ZDHHC14: variants seen among roughly 807,000 people sequenced by gnomAD.
ZDHHC14 encodes palmitoyltransferase ZDHHC14.
A neutral mutation model predicts 47.7 loss-of-function variants in ZDHHC14; 16 were observed. The observed-to-expected ratio is 0.34, with a 90% CI of 0.23 to 0.51. ZDHHC14 has a LOEUF of 0.51. Ranked by LOEUF, ZDHHC14 falls within the 20% of genes least tolerant of loss-of-function variation. The pLI, the probability that ZDHHC14 is intolerant of heterozygous loss-of-function variation, is 0.97. For missense variants in ZDHHC14, 515 were observed against 662.5 expected (o/e 0.78, Z 2.44); for synonymous variants, 293 against 278.9 (o/e 1.05, Z -0.50).
At chr6:157,585,901 G>T (rs1214905980) in intron 2 of ZDHHC14, among the ~76,000 whole-genome samples, 1 of 152,244 alleles carries the variant, frequency 6.6e-6, no homozygotes, top group African/African-American at 2.4e-5. Flanking sequence ...AGAGTGGCCT[G>T]CCTGGTGGAC....
At chr6:157,532,087 A>G (rs1781387878) in intron 1 of ZDHHC14, among the ~76,000 whole-genome samples, 2 of 152,098 alleles carry the variant, frequency 1.3e-5, no homozygotes, top group African/African-American at 4.8e-5. Flanking sequence ...CCGCTGGGGG[A>G]GGAGGAGCAG....
intron 8 of ZDHHC14, among the ~76,000 whole-genome samples, chr6:157,658,751 A>G (rs902396780): frequency 7.2e-5 from 11 of 152,226 alleles, no homozygotes; most frequent in Non-Finnish European, 1.3e-4. Context: ...GTCTGTATTC[A>G]TAAGGGAATT....
chr6:157,534,533 TATTTCATTTC>T (rs34937760), intron 1 of ZDHHC14, among the ~76,000 whole-genome samples: 39,685 of 140,792 alleles, frequency 0.28, 6,015 homozygotes, highest in South Asian at 0.41. Flanking sequence ...CCTGGAATTC[TATTTCATTTC>T]ATTTCATTTC....
chr6:157,535,071 G>T (rs1347996270), intron 1 of ZDHHC14, among the ~76,000 whole-genome samples: 1 of 152,128 alleles, frequency 6.6e-6, no homozygotes, highest in Non-Finnish European at 1.5e-5. Context: ...GACCTCTCTG[G>T]GTGGTCTGGG....
intron 1 of ZDHHC14, among the ~76,000 whole-genome samples, chr6:157,439,355 A>C (rs1201218856): frequency 6.6e-6 from 1 of 152,232 alleles, no homozygotes; most frequent in Admixed American, 6.5e-5. Flanking sequence ...AAAGGACATG[A>C]ACAGACACTT....
intron 2 of ZDHHC14, among the ~76,000 whole-genome samples, chr6:157,552,330 G>A (rs1406214858): frequency 6.6e-6 from 1 of 152,064 alleles, no homozygotes; most frequent in Non-Finnish European, 1.5e-5. Flanking sequence ...TTCATGCAGA[G>A]TCGGCAGGGC....
rs529033752 is a variant in ZDHHC14, at chr6:157,427,892, G to A, written c.245+45626G>A. Among the ~76,000 whole-genome samples, 1 of 152,186 alleles carries A rather than the reference G, an allele frequency of 6.6e-6. No individual in the cohort carries two copies. Among genetic ancestry groups the A allele is most frequent in the East Asian group, 1.9e-4 (1 of 5,176 alleles). On this transcript the variant is annotated intron_variant, in intron 1 of 8. Transcript: ENST00000359775. This position sits in a 1 kb window ranked among gnomAD's most constrained non-coding sequence, Gnocchi z 4.4. Reference sequence around the variant, plus strand: ...ATCTTTTCTCAGTAACAGCATAAAGGATGAATCTAATAAATCACAATAAAA... The same window carrying A: ...ATCTTTTCTCAGTAACAGCATAAAGAATGAATCTAATAAATCACAATAAAA...
intron 5 of ZDHHC14, among the ~76,000 whole-genome samples, chr6:157,642,373 C>T (rs1041379817): frequency 6.6e-6 from 1 of 152,224 alleles, no homozygotes; most frequent in African/African-American, 2.4e-5. Context: ...GTCCCCAGTG[C>T]AGGGCTGGGT....
chr6:157,666,805 G>A (rs1778573534), intron 8 of ZDHHC14, among the ~76,000 whole-genome samples: 1 of 152,184 alleles, frequency 6.6e-6, no homozygotes, highest in Non-Finnish European at 1.5e-5. Flanking sequence ...GCAGAAACAG[G>A]AATGATCTCT....
chr6:157,541,561 A>G (rs1273397964), intron 1 of ZDHHC14, among the ~76,000 whole-genome samples: 2 of 152,214 alleles, frequency 1.3e-5, no homozygotes, highest in African/African-American at 2.4e-5. Flanking sequence ...TGGGCAATCT[A>G]GCATTGTTTT....
intron 1 of ZDHHC14, among the ~76,000 whole-genome samples, chr6:157,483,322 G>GT (rs891335234): frequency 3.3e-5 from 5 of 152,126 alleles, no homozygotes; most frequent in African/African-American, 9.7e-5. Flanking sequence ...TGCTGGTCTT[G>GT]TTTTTTGCAA....
chr6:157,396,158 G>A (rs1386483420), intron 1 of ZDHHC14, among the ~76,000 whole-genome samples: 1 of 152,006 alleles, frequency 6.6e-6, no homozygotes, highest in Non-Finnish European at 1.5e-5. Context: ...CCCTCCCTGG[G>A]TTAGTGAGAA....
In ZDHHC14 at chr6:157,514,828, C is replaced by A. The variant is rs1043297913; in HGVS notation, c.246-27757C>A. Among the ~76,000 whole-genome samples, 3 of 152,266 alleles carry A rather than the reference C, an allele frequency of 2.0e-5. No individual in the cohort carries two copies. The South Asian group carries it at 6.2e-4, about 32-fold the overall frequency. The stretch of plus-strand genomic sequence containing the variant: ...CACAAAAACCAAGCCAACAAGGAAC[C>A]CATTCCAGGAGTATGGGGGTGCTTG... On this transcript the variant is annotated intron_variant, in intron 1 of 8. Transcript: ENST00000359775.
At chr6:157,672,624 A>ACCC in intron 8 of ZDHHC14, 100 bp from the exon 9 acceptor site, 1 of 273,144 alleles carries the variant, frequency 3.7e-6, no homozygotes, top group Non-Finnish European at 7.2e-6. Context: ...CTCTTCTCGC[A>ACCC]CCCCACCCTC....
intron 2 of ZDHHC14, among the ~76,000 whole-genome samples, chr6:157,544,669 A>C (rs1220592620): frequency 1.1e-5 from 1 of 92,550 alleles, no homozygotes; most frequent in African/African-American, 7.5e-5. Flanking sequence ...CAACAACAAC[A>C]ACAACCAAAA....
At chr6:157,406,119 A>G (rs979687549) in intron 1 of ZDHHC14, among the ~76,000 whole-genome samples, 1 of 152,184 alleles carries the variant, frequency 6.6e-6, no homozygotes, top group Non-Finnish European at 1.5e-5. Flanking sequence ...TTTATATCGT[A>G]TCAGCTCCAG....
At chr6:157,664,610 T>G (rs938300988) in intron 8 of ZDHHC14, among the ~76,000 whole-genome samples, 2 of 152,216 alleles carry the variant, frequency 1.3e-5, no homozygotes, top group African/African-American at 4.8e-5. Flanking sequence ...CAAGCTTTGT[T>G]AGGATGGGTC....
At position 157,673,005 on chromosome 6, in the gene ZDHHC14, A is replaced by T. The variant is rs1386584692; in HGVS notation, c.1350A>T (p.Leu450=). 3 of 1,577,400 alleles carry T rather than the reference A, an allele frequency of 1.9e-6. No individual in the cohort carries two copies. In the Admixed American group the frequency reaches 5.3e-5, roughly 28 times the overall value. The change falls in exon 9 of 9, where the codon CTA becomes CTT. Residue 450 remains leucine, a synonymous_variant. Coordinates refer to ENST00000359775, the MANE Select transcript of ZDHHC14 (RefSeq NM_024630.3). The surrounding 1 kb of genome is among the most constrained non-coding windows in gnomAD (Gnocchi z 5.4). ...ATGAGGCGCCCTCGCCCCCCAGGCTACTGGCGGCGGGCAGCCCCCTGGCGC... is the reference window on the plus strand; with the variant it reads ...ATGAGGCGCCCTCGCCCCCCAGGCTTCTGGCGGCGGGCAGCCCCCTGGCGC... ...TPDEAPSPPR[L]LAAGSPLAHS...
intron 1 of ZDHHC14, among the ~76,000 whole-genome samples, chr6:157,444,785 C>T (rs1778628237): frequency 6.6e-6 from 1 of 152,094 alleles, no homozygotes; most frequent in African/African-American, 2.4e-5. Context: ...GTAGAAACAG[C>T]ATTCACATTC....
Sources: allele counts gnomAD v4.1 joint callset (sites outside exome capture counted in the v4.1 genomes callset), GRCh38; gene constraint gnomAD v4.1.1; non-coding constraint Gnocchi (gnomAD v3.1); transcripts MANE v1.5; gene names NCBI Gene and HGNC (gene_info 2026-07-23, HGNC 2026-07-21).